STON1: variants seen among roughly 807,000 people sequenced by gnomAD.
STON1 encodes the protein stonin-1.
A neutral mutation model predicts 60.9 loss-of-function variants in STON1; 79 were observed. The observed-to-expected ratio is 1.30, with a 90% CI of 1.08 to 1.56. The LOEUF (loss-of-function observed/expected upper bound fraction) is 1.56, where lower values mean the gene tolerates loss of function less well. STON1 is among the 40% of genes most tolerant of loss of function. The pLI is 0.00. For missense variants in STON1, 1,166 were observed against 858.9 expected, an observed-to-expected ratio of 1.36 and a Z score of -4.47; for synonymous variants, 363 against 306.9, an observed-to-expected ratio of 1.18 and a Z score of -1.91.
At chr2:48,536,916 C>G (rs886173560) in intron 1 of STON1, among the ~76,000 whole-genome samples, 1 of 152,124 alleles carries the variant, frequency 6.6e-6, no homozygotes, top group Admixed American at 6.6e-5. Flanking sequence ...AGTATATTCT[C>G]TAGTTTACTT....
At chr2:48,558,577 T>C (rs1355422592) in intron 1 of STON1, among the ~76,000 whole-genome samples, 3 of 152,230 alleles carry the variant, frequency 2.0e-5, no homozygotes, top group Non-Finnish European at 4.4e-5. Flanking sequence ...GTGTGTGTAA[T>C]TGGATTTTGT....
At position 48,564,517 on chromosome 2, in the gene STON1, T is replaced by C. The variant is rs1480558979; in HGVS notation, c.-47-16070T>C. 2.2e-4 allele frequency among the ~76,000 whole-genome samples: 8 copies of C among 36,310 alleles called. 2 individuals carry two copies. Among genetic ancestry groups the C allele is most frequent in the Non-Finnish European group, 3.2e-4 (6 of 18,648 alleles). 23.8% of individuals were successfully genotyped at this position (36,310 alleles called of 152,430 possible). On this transcript the variant is annotated intron_variant, in intron 1 of 3. Coordinates refer to ENST00000404752, the MANE Select transcript of STON1 (RefSeq NM_006873.4). ...CTTCTTCTTCTTCTTCTTCTTCTTCTTCTTCTTCTTCTTCTTCTTCTTCTT... is the reference window on the plus strand; with the variant it reads ...CTTCTTCTTCTTCTTCTTCTTCTTCCTCTTCTTCTTCTTCTTCTTCTTCTT...
chr2:48,564,487 T>C lies in STON1; in HGVS notation c.-47-16100T>C, dbSNP rs1207716078. On this transcript the variant is annotated intron_variant, in intron 1 of 3. Coordinates refer to ENST00000404752, the MANE Select transcript of STON1 (RefSeq NM_006873.4). ...TTCTTCTTCTTCTTCTTCTTTCTTC[T>C]TCTTCTTCTTCTTCTTCTTCTTCTT... 1.2e-3 allele frequency among the ~76,000 whole-genome samples: 26 copies of C among 20,986 alleles called. 3 individuals carry two copies. The highest frequency in any genetic ancestry group is 1.8e-3 in the Non-Finnish European group (19 of 10,310). 13.8% of individuals were successfully genotyped at this position (20,986 alleles called of 152,430 possible). A position where few individuals can be genotyped will look rare whatever the true frequency, so the allele number is the denominator to read the frequency against.
At chr2:48,564,403 GTGTCTTCTTCTT>G (rs1222286711) in intron 1 of STON1, among the ~76,000 whole-genome samples, 55 of 130,030 alleles carry the variant, frequency 4.2e-4, no homozygotes, top group African/African-American at 1.5e-3. Context: ...GGCAGTGGCG[GTGTCTTCTTCTT>G]CTTCTTCTTC....
chr2:48,564,487 TTCTTCTTCTTC>T (rs1672795305), intron 1 of STON1, among the ~76,000 whole-genome samples: 11 of 20,994 alleles, frequency 5.2e-4, no homozygotes, highest in Non-Finnish European at 7.8e-4. Flanking sequence ...TTCTTTCTTC[TTCTTCTTCTTC>T]TTCTTCTTCT....
intron 1 of STON1, among the ~76,000 whole-genome samples, chr2:48,563,276 C>T (rs891432214): frequency 3.0e-4 from 45 of 152,176 alleles, no homozygotes; most frequent in Non-Finnish European, 2.9e-4. Flanking sequence ...CTGCCAGGTG[C>T]CATTCTCAAT....
intron 1 of STON1, among the ~76,000 whole-genome samples, chr2:48,539,124 ACCAGACTGGTC>A (rs1671553029): frequency 6.6e-6 from 1 of 151,850 alleles, no homozygotes; most frequent in Non-Finnish European, 1.5e-5. Context: ...TGCTATGTTG[ACCAGACTGGTC>A]TGAAACTCCT....
At chr2:48,549,611 A>G (rs1363077796) in intron 1 of STON1, among the ~76,000 whole-genome samples, 2 of 152,034 alleles carry the variant, frequency 1.3e-5, no homozygotes, top group African/African-American at 2.4e-5. Context: ...CAGGAGTTCA[A>G]TACCAGCCTG....
chr2:48,538,512 C>T (rs906992437), intron 1 of STON1, among the ~76,000 whole-genome samples: 4 of 151,862 alleles, frequency 2.6e-5, no homozygotes, highest in Admixed American at 6.6e-5. Flanking sequence ...GTAATTTTCT[C>T]TTAGGGTTTT....
At chr2:48,570,977 C>G (rs1466381876) in intron 1 of STON1, among the ~76,000 whole-genome samples, 1 of 151,502 alleles carries the variant, frequency 6.6e-6, no homozygotes, top group Non-Finnish European at 1.5e-5. Context: ...ATTCTCCTGC[C>G]TCAGCCTCCC....
In STON1 at chr2:48,596,705, A is replaced by T. The variant is rs1255673563; in HGVS notation, c.*1403A>T. 1 of 152,138 alleles carries T rather than the reference A, an allele frequency of 6.6e-6. No homozygotes were observed. Among genetic ancestry groups the T allele is most frequent in the Non-Finnish European group, 1.5e-5 (1 of 68,022 alleles). 9.4% of individuals were successfully genotyped at this position (152,138 alleles called of 1,614,324 possible). A position where few individuals can be genotyped will look rare whatever the true frequency, so the allele number is the denominator to read the frequency against. ...TAATATTTAATATTATATTACATTCATTGAAATCTGTTCAAAAACAGATTA... is the reference window on the plus strand; with the variant it reads ...TAATATTTAATATTATATTACATTCTTTGAAATCTGTTCAAAAACAGATTA... On this transcript the variant is annotated 3_prime_UTR_variant, in exon 4 of 4. Transcript: ENST00000404752.
At chr2:48,546,387 C>T (rs1167881538) in intron 1 of STON1, among the ~76,000 whole-genome samples, 2 of 152,218 alleles carry the variant, frequency 1.3e-5, no homozygotes, top group African/African-American at 4.8e-5. Context: ...ACACTCAGCT[C>T]TGTGCACTCT....
At chr2:48,532,176 C>T (rs1177678278) in intron 1 of STON1, among the ~76,000 whole-genome samples, 7 of 151,798 alleles carry the variant, frequency 4.6e-5, no homozygotes, top group Admixed American at 1.3e-4. Context: ...GATGAAACCC[C>T]GTCTCTATTA....
At chr2:48,574,109 C>T (rs1477372709) in intron 1 of STON1, among the ~76,000 whole-genome samples, 2 of 152,032 alleles carry the variant, frequency 1.3e-5, no homozygotes, top group Non-Finnish European at 2.9e-5. Context: ...GGTGCAGTGG[C>T]TCACACCTGT....
In STON1 at chr2:48,591,778, G is replaced by C. The variant is rs1674528566; in HGVS notation, c.2056G>C (p.Glu686Gln). The change falls in exon 3 of 4, where the codon GAG (glutamate) becomes CAG (glutamine). Residue 686 changes from glutamate to glutamine, a missense_variant. By Grantham distance (29) the Glu-to-Gln change is conservative (BLOSUM62 2). Coordinates refer to ENST00000404752, the MANE Select transcript of STON1 (RefSeq NM_006873.4). ...GCCTGACACCTGTGCCTCAAGGACA[G>C]AGGTCAGGTCTCTGGGAGTGGAGAG... ...SVPDTCASRT[E>Q]VRSLGVESDV... The C allele has an allele frequency of 1.2e-6, 2 of 1,614,200 alleles. No homozygotes were observed. Among genetic ancestry groups the C allele is most frequent in the African/African-American group, 1.3e-5 (1 of 75,062 alleles).
intron 2 of STON1, among the ~76,000 whole-genome samples, chr2:48,585,555 T>G (rs1057270781): frequency 6.6e-5 from 10 of 152,190 alleles, no homozygotes; most frequent in African/African-American, 2.4e-4. Flanking sequence ...GGCCCCTGCT[T>G]TCTTTTATAA....
chr2:48,568,499 G>T (rs1160408283), intron 1 of STON1, among the ~76,000 whole-genome samples: 2 of 152,154 alleles, frequency 1.3e-5, no homozygotes. Context: ...GGGGAGTAGG[G>T]GATGATGGTG....
intron 1 of STON1, chr2:48,531,667 G>A (rs1671216194): frequency 6.6e-6 from 1 of 152,138 alleles, no homozygotes; most frequent in Admixed American, 6.6e-5. Context: ...GCCTGAGCTG[G>A]GGTTTTCTTC....
chr2:48,575,919 T>C (rs1327340493), intron 1 of STON1, among the ~76,000 whole-genome samples: 26 of 151,190 alleles, frequency 1.7e-4, no homozygotes, highest in Admixed American at 1.2e-3. Flanking sequence ...CCACCACGCC[T>C]GGCTAATTTT....
Sources: allele counts gnomAD v4.1 joint callset (sites outside exome capture counted in the v4.1 genomes callset), GRCh38; gene constraint gnomAD v4.1.1; transcripts MANE v1.5; gene names NCBI Gene and HGNC (gene_info 2026-07-23, HGNC 2026-07-21).